HYCC2: variants seen among roughly 807,000 people sequenced by gnomAD.
The protein encoded by HYCC2 is hyccin PI4KA lipid kinase complex subunit 2.
chr2:201,008,898 G>GTCAT, the HYCC2 span: 3 of 926,436 alleles, frequency 3.2e-6, no homozygotes, highest in South Asian at 2.8e-5. Context: ...GTGAGACTCT[G>GTCAT]TCATTCATTC....
chr2:201,040,705 G>A, the HYCC2 span, among the ~76,000 whole-genome samples: 4 of 151,882 alleles, frequency 2.6e-5, no homozygotes, highest in South Asian at 2.1e-4. Context: ...GGCTGGTCTC[G>A]GACTCCTGAC....
the HYCC2 span, chr2:200,996,863 T>G: frequency 6.6e-6 from 1 of 152,318 alleles, no homozygotes; most frequent in African/African-American, 2.4e-5. Flanking sequence ...TTACAAAAAC[T>G]GGCAACCAGG....
chr2:201,039,537 A>G, the HYCC2 span, among the ~76,000 whole-genome samples: 1 of 152,226 alleles, frequency 6.6e-6, no homozygotes, highest in South Asian at 2.1e-4. Context: ...AAGGTTTGAT[A>G]TAAGAGACTG....
At chr2:201,050,851 C>T in the HYCC2 span, among the ~76,000 whole-genome samples, 1 of 152,054 alleles carries the variant, frequency 6.6e-6, no homozygotes, top group South Asian at 2.1e-4. Flanking sequence ...AGGAGAATCG[C>T]TTGAACCCAG....
chr2:200,992,316 T>G, the HYCC2 span: 1 of 1,612,214 alleles, frequency 6.2e-7, no homozygotes, highest in Non-Finnish European at 8.5e-7. Flanking sequence ...AGCTGGGCTC[T>G]ATAAATGATA....
chr2:201,033,192 T>A, the HYCC2 span, among the ~76,000 whole-genome samples: 18,443 of 128,872 alleles, frequency 0.14, 1,624 homozygotes, highest in African/African-American at 0.26. Context: ...TGTGTGTGTG[T>A]GTGTGAGAGA....
chr2:200,990,165 G>A, the HYCC2 span, among the ~76,000 whole-genome samples: 1 of 151,932 alleles, frequency 6.6e-6, no homozygotes, highest in Admixed American at 6.6e-5. Flanking sequence ...TTATTCCTTT[G>A]CAATTAGAAA....
At chr2:200,988,530 G>A in the HYCC2 span, 5 of 711,342 alleles carry the variant, frequency 7.0e-6, no homozygotes, top group South Asian at 2.4e-5. Flanking sequence ...GCATTATAAT[G>A]TGTAATAAAC....
chr2:200,986,672 A>G, the HYCC2 span, among the ~76,000 whole-genome samples: 1 of 152,222 alleles, frequency 6.6e-6, no homozygotes, highest in African/African-American at 2.4e-5. Context: ...AGAATAATAC[A>G]TTTTAATTCC....
the HYCC2 span, among the ~76,000 whole-genome samples, chr2:201,058,993 G>A: frequency 7.2e-5 from 11 of 152,324 alleles, no homozygotes; most frequent in Non-Finnish European, 1.6e-4. Flanking sequence ...CCCAAGTAGA[G>A]AGTCAGTTCC....
chr2:201,017,470 T>C, the HYCC2 span, among the ~76,000 whole-genome samples: 7 of 152,300 alleles, frequency 4.6e-5, no homozygotes, highest in Admixed American at 1.3e-4. Flanking sequence ...TGAGAAGAAT[T>C]TTCCTTTCTA....
chr2:201,051,187 C>T, the HYCC2 span, among the ~76,000 whole-genome samples: 3 of 152,218 alleles, frequency 2.0e-5, no homozygotes, highest in African/African-American at 7.2e-5. Flanking sequence ...AAGCATGACA[C>T]ATTCAATATT....
the HYCC2 span, among the ~76,000 whole-genome samples, chr2:201,002,381 T>G: frequency 6.6e-6 from 1 of 152,002 alleles, no homozygotes; most frequent in Non-Finnish European, 1.5e-5. Context: ...ACTATCAGAT[T>G]GGTAAAGATT....
chr2:201,014,966 TATATA>T, the HYCC2 span, among the ~76,000 whole-genome samples: 7 of 152,284 alleles, frequency 4.6e-5, no homozygotes, highest in African/African-American at 1.2e-4. Context: ...TACTATCAAA[TATATA>T]ATATATTATC....
At chr2:201,002,124 A>G in the HYCC2 span, among the ~76,000 whole-genome samples, 1 of 151,988 alleles carries the variant, frequency 6.6e-6, no homozygotes, top group Non-Finnish European at 1.5e-5. Flanking sequence ...GAAAAAAAAA[A>G]AAATACACAG....
chr2:200,994,160 A>G, the HYCC2 span, among the ~76,000 whole-genome samples: 2 of 152,234 alleles, frequency 1.3e-5, no homozygotes, highest in Non-Finnish European at 2.9e-5. Flanking sequence ...TATGGTATTT[A>G]CATTACATAT....
chr2:201,049,512 GT>G, the HYCC2 span, among the ~76,000 whole-genome samples: 304 of 142,750 alleles, frequency 2.1e-3, 1 homozygote, highest in Middle Eastern at 7.6e-3. Context: ...CACCACCCCG[GT>G]TTTTTTTTTT....
chr2:200,984,658 G>C, the HYCC2 span, among the ~76,000 whole-genome samples: 1 of 152,208 alleles, frequency 6.6e-6, no homozygotes, highest in African/African-American at 2.4e-5. Flanking sequence ...GCCAAGACAG[G>C]CAGATCCCTT....
chr2:201,023,006 C>A, the HYCC2 span: 3 of 970,846 alleles, frequency 3.1e-6, no homozygotes, highest in South Asian at 2.9e-5. Context: ...ACAAATAGTT[C>A]TTGAACAGAT....
Sources: gnomAD v4.1 joint callset for allele counts (sites outside exome capture counted in the v4.1 genomes callset) on GRCh38, gnomAD v4.1.1 for gene constraint, MANE v1.5 for transcripts, NCBI Gene and HGNC (gene_info 2026-07-23, HGNC 2026-07-21) for gene names.